Variants in DLG2 observed in about 807,000 individuals in gnomAD.
The protein encoded by DLG2 is discs large MAGUK scaffold protein 2, also known as disks large homolog 2.
A neutral mutation model predicts 132.5 loss-of-function variants in DLG2; 45 were observed. The ratio of observed to expected loss-of-function variants is 0.34; its 90% CI spans 0.27 to 0.44. The LOEUF (loss-of-function observed/expected upper bound fraction) is 0.44, where lower values mean the gene tolerates loss of function less well. Among genes scored for constraint, DLG2 ranks in the 20% least tolerant of loss-of-function variants. The pLI is 1.00. For missense variants in DLG2, 1,045 were observed against 1,196.9 expected (o/e 0.87, Z 1.87); for synonymous variants, 424 against 419.6 (o/e 1.01, Z -0.13).
At chr11:84,869,873 G>T (rs900547982) in intron 6 of DLG2, among the ~76,000 whole-genome samples, 1 of 152,172 alleles carries the variant, frequency 6.6e-6, no homozygotes, top group Non-Finnish European at 1.5e-5. Flanking sequence ...GTATTTCAGG[G>T]TTTTCCTAAA....
At chr11:85,105,434 C>G (rs768893141) in intron 6 of DLG2, among the ~76,000 whole-genome samples, 11 of 151,982 alleles carry the variant, frequency 7.2e-5, no homozygotes, top group Non-Finnish European at 1.5e-4. Flanking sequence ...CTCATCTTCT[C>G]TATACTTTCA....
chr11:85,520,542 AAG>A (rs2153175802), intron 3 of DLG2, among the ~76,000 whole-genome samples: 1 of 74,360 alleles, frequency 1.3e-5, no homozygotes, highest in South Asian at 5.0e-4. Flanking sequence ...CACACACACA[AAG>A]AATAACCAAT....
At chr11:84,355,887 G>A (rs11821156) in intron 7 of DLG2, among the ~76,000 whole-genome samples, 8,203 of 152,074 alleles carry the variant, frequency 0.054, 740 homozygotes, top group African/African-American at 0.19. Flanking sequence ...ATGTGTCACT[G>A]TTCAATAAAT....
intron 6 of DLG2, among the ~76,000 whole-genome samples, chr11:84,748,252 C>T (rs2065645057): frequency 6.6e-6 from 1 of 152,198 alleles, no homozygotes; most frequent in African/African-American, 2.4e-5. Flanking sequence ...AGGCCCCCAA[C>T]ATGCCAATTG....
In DLG2 at chr11:85,475,344, G is replaced by A. The variant is rs1017883386; in HGVS notation, c.40+123313C>T. ...CCTTCTATAAACATTCTAAAAAATAGAAAAAAAATTAAATTCTAACCCATG... is the reference window on the plus strand; with the variant it reads ...CCTTCTATAAACATTCTAAAAAATAAAAAAAAAATTAAATTCTAACCCATG... On this transcript the variant is annotated intron_variant, in intron 3 of 27. Transcript: ENST00000376104. Among the ~76,000 whole-genome samples the A allele has an allele frequency of 2.6e-5, 4 of 151,490 alleles. 1 individual carries two copies. The highest frequency in any genetic ancestry group is 2.6e-4 in the Admixed American group (4 of 15,212).
At chr11:84,485,135 C>T (rs1382137889) in intron 7 of DLG2, among the ~76,000 whole-genome samples, 3 of 152,050 alleles carry the variant, frequency 2.0e-5, no homozygotes, top group Non-Finnish European at 2.9e-5. Flanking sequence ...GGTCTTTACA[C>T]AGTAAAGAAT....
chr11:83,472,844 C>T (rs1372670060), intron 22 of DLG2, 67 bp from the exon 23 acceptor site: 2 of 1,347,206 alleles, frequency 1.5e-6, no homozygotes, highest in East Asian at 4.6e-5. Flanking sequence ...AAGCCCTGCT[C>T]TGAAACACAG....
intron 7 of DLG2, among the ~76,000 whole-genome samples, chr11:84,506,388 A>C (rs1403515977): frequency 6.7e-6 from 1 of 148,334 alleles, no homozygotes; most frequent in Non-Finnish European, 1.5e-5. Flanking sequence ...AGTTCTTAAA[A>C]GAGTCAGTAA....
At position 84,948,028 on chromosome 11, in the gene DLG2, G is replaced by A. The variant is rs56279311; in HGVS notation, c.357+163633C>T. On this transcript the variant is annotated intron_variant, in intron 6 of 27. Transcript: ENST00000376104. ...CATAAAATCAATTGTCAGGTTAGAA[G>A]GAGAGAAGTATTCTACCTTTTGTAT... Among the ~76,000 whole-genome samples, 940 of 152,278 alleles carry A rather than the reference G, an allele frequency of 6.2e-3. 9 individuals are homozygous for A. Among genetic ancestry groups the A allele is most frequent in the Admixed American group, 0.011 (162 of 15,300 alleles).
chr11:84,299,058 C>A (rs1250926434), intron 7 of DLG2, among the ~76,000 whole-genome samples: 1 of 152,166 alleles, frequency 6.6e-6, no homozygotes, highest in Non-Finnish European at 1.5e-5. Context: ...ATTTAAGAAA[C>A]GTTCCACATA....
intron 6 of DLG2, among the ~76,000 whole-genome samples, chr11:85,052,205 T>C (rs1340995124): frequency 6.6e-6 from 1 of 152,096 alleles, no homozygotes; most frequent in South Asian, 2.1e-4. Context: ...GGTTCCTAGG[T>C]GACAAAAATC....
At chr11:83,598,542 A>G (rs1318702189) in intron 19 of DLG2, among the ~76,000 whole-genome samples, 1 of 152,168 alleles carries the variant, frequency 6.6e-6, no homozygotes, top group Non-Finnish European at 1.5e-5. Context: ...TCCCAGCTTT[A>G]GGGTTGCTCA....
At chr11:84,737,162 T>C (rs905644478) in intron 6 of DLG2, among the ~76,000 whole-genome samples, 51 of 152,100 alleles carry the variant, frequency 3.4e-4, no homozygotes, top group Admixed American at 9.2e-4. Context: ...ATGGTGATTT[T>C]TGAATGTTAA....
At chr11:85,107,510 T>C (rs1236345396) in intron 6 of DLG2, among the ~76,000 whole-genome samples, 2 of 152,036 alleles carry the variant, frequency 1.3e-5, no homozygotes, top group Admixed American at 6.6e-5. Flanking sequence ...CAGTTGGTCA[T>C]ATCCAAAGTT....
In DLG2 at chr11:84,748,284, A is replaced by G. The variant is rs547550012; in HGVS notation, c.358-213553T>C. Among the ~76,000 whole-genome samples, 22 of 152,334 alleles carry G rather than the reference A, an allele frequency of 1.4e-4. 2 individuals carry two copies. The South Asian group carries it at 4.6e-3, about 32-fold the overall frequency. On this transcript the variant is annotated intron_variant, in intron 6 of 27. Transcript: ENST00000376104. ...ATTGGTCTTCACTGAGACCTTCTGA[A>G]TAACAGACATTAATGAACCAGAAAT...
intron 4 of DLG2, among the ~76,000 whole-genome samples, chr11:85,219,661 T>C (rs1298831333): frequency 6.6e-6 from 1 of 150,472 alleles, no homozygotes; most frequent in Non-Finnish European, 1.5e-5. Flanking sequence ...TGTGTATCTA[T>C]ATCTAAATTC....
intron 6 of DLG2, among the ~76,000 whole-genome samples, chr11:84,832,143 C>G (rs1566085477): frequency 6.6e-6 from 1 of 151,618 alleles, no homozygotes; most frequent in Admixed American, 6.6e-5. Flanking sequence ...CTGTTTTTTA[C>G]TGCTTTAAGC....
intron 7 of DLG2, among the ~76,000 whole-genome samples, chr11:84,511,602 T>A (rs997530783): frequency 5.9e-5 from 9 of 152,186 alleles, no homozygotes; most frequent in Non-Finnish European, 1.2e-4. Flanking sequence ...ACTATACTAA[T>A]TGTCAACAAT....
intron 7 of DLG2, among the ~76,000 whole-genome samples, chr11:84,421,719 A>G (rs997877521): frequency 6.6e-6 from 1 of 152,202 alleles, no homozygotes; most frequent in Non-Finnish European, 1.5e-5. Flanking sequence ...ATCTGGCCCC[A>G]GCTGACCTAA....
Sources: allele counts gnomAD v4.1 joint callset (sites outside exome capture counted in the v4.1 genomes callset), GRCh38; gene constraint gnomAD v4.1.1; transcripts MANE v1.5; gene names NCBI Gene and HGNC (gene_info 2026-07-23, HGNC 2026-07-21).